Variants in CFAP161 observed in about 807,000 individuals in gnomAD.
CFAP161 encodes the protein cilia and flagella associated protein 161, also known as cilia- and flagella-associated protein 161.
Under a neutral mutation model 29.0 loss-of-function variants are expected in CFAP161, and 25 were observed. The ratio of observed to expected loss-of-function variants is 0.86; its 90% CI spans 0.63 to 1.20. CFAP161 has a LOEUF of 1.20. CFAP161 is among the 50% of genes most tolerant of loss of function. CFAP161 has a pLI of 0.00. For synonymous variants in CFAP161, 116 were observed against 137.4 expected (o/e 0.84, Z 1.09); for missense variants, 367 against 371.9 (o/e 0.99, Z 0.11).
upstream of CFAP161, chr15:81,134,226 G>C (rs1209832716): frequency 5.0e-5 from 68 of 1,363,174 alleles, no homozygotes; most frequent in Non-Finnish European, 6.8e-5. Context: ...TGGCCAGCAG[G>C]GTCCCAGACC....
At chr15:81,147,812 A>G (rs1895034086) in intron 5 of CFAP161, 46 bp from the exon 6 acceptor site, 3 of 1,479,092 alleles carry the variant, frequency 2.0e-6, no homozygotes, top group East Asian at 4.6e-5. Context: ...AAAGCAAAAA[A>G]AAAAATGTTT....
At position 81,141,840 on chromosome 15, in the gene CFAP161, A is replaced by G. The variant is rs143160488; in HGVS notation, c.478-1822A>G. Among the ~76,000 whole-genome samples the G allele has an allele frequency of 3.9e-3, 598 of 151,946 alleles. 2 individuals are homozygous for G. The highest frequency in any genetic ancestry group is 0.013 in the African/African-American group (552 of 41,434). On this transcript the variant is annotated intron_variant, in intron 4 of 6. Transcript: ENST00000286732. ...GCTGGGATTACAGGCACCTGCCACC[A>G]CACCTGGCTAAGTTTTGTATTTTTA...
chr15:81,106,611 C>CA, intron 1 of CFAP161, among the ~76,000 whole-genome samples: 1 of 152,372 alleles, frequency 6.6e-6, no homozygotes, highest in South Asian at 2.1e-4. Flanking sequence ...ACCTTGCTGT[C>CA]ACTGCATCAT....
intron 1 of CFAP161, among the ~76,000 whole-genome samples, chr15:81,108,340 AT>A (rs34438904): frequency 0.094 from 13,767 of 146,368 alleles, 1,720 homozygotes; most frequent in African/African-American, 0.29. Flanking sequence ...AAGGGCCAGC[AT>A]TTTTTTTTTT....
intron 4 of CFAP161, among the ~76,000 whole-genome samples, chr15:81,140,116 G>A (rs969091247): frequency 5.3e-5 from 8 of 151,428 alleles, no homozygotes; most frequent in Non-Finnish European, 1.2e-4. Flanking sequence ...GTGTTGATTT[G>A]GGTTTATATA....
intron 4 of CFAP161, among the ~76,000 whole-genome samples, chr15:81,139,044 G>A (rs1473999741): frequency 6.6e-6 from 1 of 152,164 alleles, no homozygotes; most frequent in Non-Finnish European, 1.5e-5. Flanking sequence ...GCTCATGCCT[G>A]TAATCTCAGC....
intron 1 of CFAP161, among the ~76,000 whole-genome samples, chr15:81,123,228 A>G (rs146817960): frequency 1.3e-5 from 2 of 152,330 alleles, no homozygotes; most frequent in Admixed American, 6.5e-5. Context: ...TAGTGTGAGG[A>G]AGGGGTCCAG....
At chr15:81,100,705 T>A (rs889409642) in intron 1 of CFAP161, among the ~76,000 whole-genome samples, 689 of 30,854 alleles carry the variant, frequency 0.022, 3 homozygotes, top group African/African-American at 0.055. Flanking sequence ...TCTCTCTCTC[T>A]TTTTTTTTTT....
At chr15:81,121,758 T>C (rs1218495296) in intron 1 of CFAP161, among the ~76,000 whole-genome samples, 1 of 152,192 alleles carries the variant, frequency 6.6e-6, no homozygotes, top group South Asian at 2.1e-4. Flanking sequence ...TGTGCAGATT[T>C]GTTACATAGG....
At chr15:81,142,358 C>T (rs1894925741) in intron 4 of CFAP161, among the ~76,000 whole-genome samples, 1 of 151,792 alleles carries the variant, frequency 6.6e-6, no homozygotes, top group Non-Finnish European at 1.5e-5. Flanking sequence ...TCTGGTCACC[C>T]CCATCCTCAC....
rs1456208900 is a variant in CFAP161, at chr15:81,105,147, CCCTCCCTCCCTCCCTT to C, written c.-141-22439_-141-22424del. Among the ~76,000 whole-genome samples the C allele has an allele frequency of 2.0e-3, 50 of 25,564 alleles. 2 individuals carry two copies. Among genetic ancestry groups the C allele is most frequent in the African/African-American group, 7.0e-3 (43 of 6,168 alleles). 16.8% of individuals were successfully genotyped at this position (25,564 alleles called of 152,430 possible). A position where few individuals can be genotyped will look rare whatever the true frequency, so the allele number is the denominator to read the frequency against. ...TACCTTTCTCCCCCCTCCCCTCCCT[CCCTCCCTCCCTCCCTT>C]CCTTCCTCCCTCCCTTCCTTTTTTC... On this transcript the variant is annotated intron_variant, in intron 1 of 4. Coordinates refer to the CFAP161 transcript ENST00000560091.
At chr15:81,108,587 T>C (rs1414185510) in intron 1 of CFAP161, among the ~76,000 whole-genome samples, 1 of 152,182 alleles carries the variant, frequency 6.6e-6, no homozygotes. Context: ...TCGGTGGTTT[T>C]CAATCTATGC....
intron 1 of CFAP161, among the ~76,000 whole-genome samples, chr15:81,121,222 C>T (rs1342428828): frequency 6.6e-6 from 1 of 152,202 alleles, no homozygotes; most frequent in Non-Finnish European, 1.5e-5. Flanking sequence ...CTTCCTCTAT[C>T]TTAAATAACC....
intron 1 of CFAP161, among the ~76,000 whole-genome samples, chr15:81,100,695 T>G (rs909082609): frequency 1.4e-5 from 1 of 72,504 alleles, no homozygotes; most frequent in African/African-American, 4.3e-5. Context: ...CCTTTTCCTC[T>G]CTCTCTCTCT....
At position 81,149,100 on chromosome 15, in the gene CFAP161, T is replaced by C. The variant is rs1457778232; in HGVS notation, c.*567T>C. ...TTTAAGCTGCAGAATCTCTACCTTG[T>C]CTTTGAAACTGGCACATTAGTTGTG... is the stretch of plus-strand genomic sequence containing the variant. On this transcript the variant is annotated 3_prime_UTR_variant, in exon 7 of 7. Coordinates refer to ENST00000286732, the MANE Select transcript of CFAP161 (RefSeq NM_173528.4). 2 of 152,294 alleles carry C rather than the reference T, an allele frequency of 1.3e-5. No homozygotes were observed. Among genetic ancestry groups the C allele is most frequent in the Non-Finnish European group, 2.9e-5 (2 of 68,082 alleles). 9.4% of individuals were successfully genotyped at this position (152,294 alleles called of 1,614,324 possible). A position where few individuals can be genotyped will look rare whatever the true frequency, so the allele number is the denominator to read the frequency against.
At chr15:81,133,194 T>C (rs1274350084), upstream of CFAP161, among the ~76,000 whole-genome samples, 1 of 39,934 alleles carries the variant, frequency 2.5e-5, no homozygotes, top group Non-Finnish European at 5.5e-5. Flanking sequence ...TATATATATA[T>C]ATATATATAT....
At chr15:81,115,269 G>A (rs549955043) in intron 1 of CFAP161, among the ~76,000 whole-genome samples, 3 of 152,060 alleles carry the variant, frequency 2.0e-5, no homozygotes, top group South Asian at 2.1e-4. Context: ...CACATTTCCC[G>A]TTTTTGATCA....
In CFAP161 at chr15:81,117,899, C is replaced by G. The variant is rs566566788; in HGVS notation, c.-141-9691C>G. ...CCTTCTTCATCCTCCTCCTCTTTAT[C>G]CACACCATCCACCTGGGCATCTGAG... On this transcript the variant is annotated intron_variant, in intron 1 of 4. Transcript: ENST00000560091. 2.3e-4 allele frequency: 95 copies of G among 413,044 alleles called. 1 individual carries two copies. The highest frequency in any genetic ancestry group is 1.9e-3 in the African/African-American group (91 of 47,070). The allele number at this position is 413,044 out of a possible 1,614,324, so 25.6% of individuals were successfully genotyped here.
chr15:81,114,378 G>A (rs1345612544), intron 1 of CFAP161, among the ~76,000 whole-genome samples: 1 of 152,234 alleles, frequency 6.6e-6, no homozygotes, highest in Non-Finnish European at 1.5e-5. Context: ...TGGGCTTTCA[G>A]TGAGTTGTAA....
Sources: allele counts gnomAD v4.1 joint callset (sites outside exome capture counted in the v4.1 genomes callset), GRCh38; gene constraint gnomAD v4.1.1; transcripts MANE v1.5; gene names NCBI Gene and HGNC (gene_info 2026-07-23, HGNC 2026-07-21).